Variants in COLGALT2 observed in about 807,000 individuals in gnomAD.
The protein encoded by COLGALT2 is collagen beta(1-O)galactosyltransferase 2.
In COLGALT2, 49 loss-of-function variants were observed where a neutral mutation model predicts 73.4. The observed-to-expected ratio is 0.67, with a 90% CI of 0.53 to 0.85. The LOEUF (loss-of-function observed/expected upper bound fraction) is 0.85. Ranked by LOEUF, COLGALT2 falls within the 40% of genes least tolerant of loss-of-function variation. The pLI is 0.00. For synonymous variants in COLGALT2, 295 were observed against 307.6 expected, an observed-to-expected ratio of 0.96 and a Z score of 0.43; for missense variants, 722 against 790.2, an observed-to-expected ratio of 0.91 and a Z score of 1.03.
intron 7 of COLGALT2, among the ~76,000 whole-genome samples, chr1:183,952,741 T>A (rs563568099): frequency 1.3e-5 from 2 of 152,352 alleles, no homozygotes; most frequent in South Asian, 4.1e-4. Flanking sequence ...GCCAAGTAGA[T>A]TAAGTGCATC....
At chr1:183,934,742 G>A (rs994514127), downstream of COLGALT2, among the ~76,000 whole-genome samples, 6 of 152,158 alleles carry the variant, frequency 3.9e-5, no homozygotes, top group Non-Finnish European at 8.8e-5. Flanking sequence ...ATAGTTACTA[G>A]CGGGAGGGAT....
intron 3 of COLGALT2, 83 bp downstream of exon 3, chr1:183,975,014 G>T (rs1671148735): frequency 2.2e-6 from 2 of 927,948 alleles, no homozygotes; most frequent in Non-Finnish European, 3.3e-6. Flanking sequence ...TGTTTTGATT[G>T]CTTCCATGGT....
At chr1:183,940,029 C>A (rs1670064796) in intron 11 of COLGALT2, among the ~76,000 whole-genome samples, 2 of 152,224 alleles carry the variant, frequency 1.3e-5, no homozygotes, top group Non-Finnish European at 1.5e-5. Flanking sequence ...GAGCCCCAAG[C>A]ATCACACTGC....
downstream of COLGALT2, among the ~76,000 whole-genome samples, chr1:183,932,113 TGAGACA>T (rs1669861060): frequency 6.6e-6 from 1 of 152,098 alleles, no homozygotes; most frequent in African/African-American, 2.4e-5. Flanking sequence ...GTGTGTGTGG[TGAGACA>T]GAGTGCAAGA....
intron 1 of COLGALT2, among the ~76,000 whole-genome samples, chr1:184,017,275 T>C (rs924283314): frequency 6.6e-6 from 1 of 152,244 alleles, no homozygotes; most frequent in Admixed American, 6.5e-5. Context: ...TGTATTCACT[T>C]CATTATCAAG....
intron 5 of COLGALT2, among the ~76,000 whole-genome samples, chr1:183,967,868 A>G (rs114823469): frequency 1.3e-5 from 2 of 152,162 alleles, no homozygotes; most frequent in African/African-American, 4.8e-5. Context: ...TTCCAATCAT[A>G]TGAGGATTGC....
intron 6 of COLGALT2, among the ~76,000 whole-genome samples, chr1:183,960,202 A>C (rs1670661127): frequency 1.0e-5 from 1 of 98,564 alleles, no homozygotes; most frequent in Admixed American, 1.0e-4. Context: ...GAATTCAAGG[A>C]CTACAACAAT....
chr1:183,965,872 C>T (rs1208302226), intron 5 of COLGALT2, among the ~76,000 whole-genome samples: 1 of 152,118 alleles, frequency 6.6e-6, no homozygotes, highest in Admixed American at 6.5e-5. Context: ...GAACACTGAC[C>T]ATCAATCTGT....
chr1:184,001,112 C>T (rs912367650), intron 1 of COLGALT2, among the ~76,000 whole-genome samples: 23 of 152,264 alleles, frequency 1.5e-4, no homozygotes, highest in African/African-American at 5.1e-4. Flanking sequence ...GGATTACAGG[C>T]GTGAGCCACC....
At chr1:184,036,014 C>A (rs1170870833) in intron 1 of COLGALT2, among the ~76,000 whole-genome samples, 2 of 152,222 alleles carry the variant, frequency 1.3e-5, no homozygotes, top group Non-Finnish European at 2.9e-5. Flanking sequence ...TTTGCCCAAC[C>A]GCTGCTTTAA....
chr1:183,931,732 A>T (rs1208479250), downstream of COLGALT2, among the ~76,000 whole-genome samples: 2 of 151,866 alleles, frequency 1.3e-5, no homozygotes, highest in Non-Finnish European at 2.9e-5. Flanking sequence ...ATACCAAAGC[A>T]TCATTATGTG....
chr1:184,037,503 G>A lies in COLGALT2; in HGVS notation c.-146C>T. ...GCCGCGGCCGGCCGGCTCACACACTGGCCTCGGCGGCTGCGGTTCCCAGGA... is the reference window on the plus strand; with the variant it reads ...GCCGCGGCCGGCCGGCTCACACACTAGCCTCGGCGGCTGCGGTTCCCAGGA... On this transcript the variant is annotated 5_prime_UTR_variant, in exon 1 of 12. Transcript: ENST00000361927. 8.6e-7 allele frequency: 1 copy of A among 1,163,086 alleles called. No homozygotes were observed. The highest frequency in any genetic ancestry group is 4.1e-5 in the East Asian group (1 of 24,274). 72.0% of individuals were successfully genotyped at this position (1,163,086 alleles called of 1,614,324 possible).
chr1:183,990,646 T>A (rs1037563545), intron 1 of COLGALT2, among the ~76,000 whole-genome samples: 2 of 152,126 alleles, frequency 1.3e-5, no homozygotes, highest in African/African-American at 2.4e-5. Context: ...ATTTGAAGAT[T>A]GAGCAGACAT....
intron 4 of COLGALT2, among the ~76,000 whole-genome samples, chr1:183,972,905 T>A (rs1029317944): frequency 1.3e-5 from 2 of 152,142 alleles, no homozygotes; most frequent in Non-Finnish European, 2.9e-5. Context: ...TTCACCATGT[T>A]AGCCAGGATG....
rs1669962702 is a variant in COLGALT2 at position 183,936,657 on chromosome 1, T to C, written c.*2104A>G. ...ATGCACACATGCACACACTCAAATATGAAAACAAAAACCAGATACCCAAGG... is the reference window on the plus strand; with the variant it reads ...ATGCACACATGCACACACTCAAATACGAAAACAAAAACCAGATACCCAAGG... On this transcript the variant is annotated 3_prime_UTR_variant, in exon 12 of 12. Transcript: ENST00000361927. 1.6e-6 allele frequency: 2 copies of C among 1,223,610 alleles called. No individual in the cohort carries two copies. Among genetic ancestry groups the C allele is most frequent in the Non-Finnish European group, 1.0e-6 (1 of 983,724 alleles). The allele number at this position is 1,223,610 out of a possible 1,614,324, so 75.8% of individuals were successfully genotyped here. A position where few individuals can be genotyped will look rare whatever the true frequency, so the allele number is the denominator to read the frequency against.
chr1:183,954,825 T>G lies in COLGALT2; in HGVS notation c.966A>C (p.Pro322=). 6.2e-7 allele frequency: 1 copy of G among 1,613,162 alleles called. No individual in the cohort carries two copies. Among genetic ancestry groups the G allele is most frequent in the African/African-American group, 1.3e-5 (1 of 75,002 alleles). Residue 322 remains proline, a synonymous_variant, in exon 7 of 12, where the codon CCA becomes CCC. Transcript: ENST00000361927. ...CTGAGACATACTGGGAGGGTTCCAT[T>G]GGAGGACGGTCAACTGGAAGACACA... The part of the protein sequence containing the change: ...VQIEAMIDRP[P]MEPSQYVSVV...
At chr1:183,975,020 A>G in intron 3 of COLGALT2, 77 bp downstream of exon 3, 1 of 1,011,192 alleles carries the variant, frequency 9.9e-7, no homozygotes. Context: ...GATTGCTTCC[A>G]TGGTTCTAGT....
At chr1:183,951,898 GC>G (rs1558312316) in intron 7 of COLGALT2, among the ~76,000 whole-genome samples, 1 of 152,152 alleles carries the variant, frequency 6.6e-6, no homozygotes, top group African/African-American at 2.4e-5. Flanking sequence ...GCTGTCCTGA[GC>G]AAAAAGAACA....
intron 6 of COLGALT2, among the ~76,000 whole-genome samples, chr1:183,959,217 C>T (rs552234680): frequency 2.0e-5 from 3 of 152,284 alleles, no homozygotes; most frequent in South Asian, 2.1e-4. Context: ...TCTTCTCATC[C>T]TGTGTTCTTT....
Sources: gnomAD v4.1 joint callset for allele counts (sites outside exome capture counted in the v4.1 genomes callset) on GRCh38, gnomAD v4.1.1 for gene constraint, MANE v1.5 for transcripts, NCBI Gene and HGNC (gene_info 2026-07-23, HGNC 2026-07-21) for gene names.